Variants in NEBL observed in about 807,000 individuals in gnomAD.
NEBL encodes the protein LIM and SH3 protein 2.
Under a neutral mutation model 140.2 loss-of-function variants are expected in NEBL, and 122 were observed. The ratio of observed to expected loss-of-function variants is 0.87; its 90% confidence interval spans 0.75 to 1.01. The LOEUF is 1.01. NEBL is among the 50% of genes least tolerant of loss of function. The probability of loss-of-function intolerance (pLI) is 0.00; values close to 1 mark genes in which losing one functional copy is unlikely to be tolerated. For synonymous variants in NEBL, 436 were observed against 398.9 expected, an observed-to-expected ratio of 1.09 and a Z score of -1.11; for missense variants, 1,365 against 1,231.3, an observed-to-expected ratio of 1.11 and a Z score of -1.62.
intron 2 of NEBL, among the ~76,000 whole-genome samples, chr10:21,157,077 T>C (rs1840362698): frequency 6.6e-6 from 1 of 152,160 alleles, no homozygotes; most frequent in Admixed American, 6.5e-5. Flanking sequence ...TGTCACAAAG[T>C]AAAGGTCCTG....
chr10:20,885,589 A>T (rs1846445003), intron 4 of NEBL, among the ~76,000 whole-genome samples: 1 of 152,160 alleles, frequency 6.6e-6, no homozygotes, highest in Admixed American at 6.5e-5. Context: ...TGTTGCAGGG[A>T]TTTGTGTATT....
intron 4 of NEBL, among the ~76,000 whole-genome samples, chr10:20,934,479 G>A (rs1770907200): frequency 6.6e-6 from 1 of 152,144 alleles, no homozygotes; most frequent in South Asian, 2.1e-4. Context: ...CCGCAAAACT[G>A]AATTCTAGCC....
At chr10:21,105,224 T>C (rs1047002729) in intron 2 of NEBL, among the ~76,000 whole-genome samples, 4 of 152,196 alleles carry the variant, frequency 2.6e-5, no homozygotes, top group Non-Finnish European at 5.9e-5. Flanking sequence ...GGGATACATG[T>C]GCAGAACATG....
At chr10:21,250,930 T>C (rs181940783) in intron 2 of NEBL, among the ~76,000 whole-genome samples, 1 of 152,356 alleles carries the variant, frequency 6.6e-6, no homozygotes, top group East Asian at 1.9e-4. Context: ...CAATATGGTA[T>C]GTTTCTTTTT....
intron 2 of NEBL, among the ~76,000 whole-genome samples, chr10:21,116,846 T>C (rs1838305959): frequency 6.6e-6 from 1 of 151,948 alleles, no homozygotes; most frequent in Non-Finnish European, 1.5e-5. Flanking sequence ...CTTTTTAAAT[T>C]GTTTTCCAGA....
At chr10:21,094,239 A>G (rs1837057884) in intron 2 of NEBL, among the ~76,000 whole-genome samples, 1 of 152,184 alleles carries the variant, frequency 6.6e-6, no homozygotes, top group African/African-American at 2.4e-5. Context: ...ACGGTGGCTC[A>G]CGCCTGTAAT....
intron 1 of NEBL, among the ~76,000 whole-genome samples, chr10:21,259,345 T>C (rs1429713949): frequency 1.3e-5 from 2 of 152,016 alleles, no homozygotes; most frequent in African/African-American, 2.4e-5. Context: ...CCATCCCTAC[T>C]TGGAGACGGC....
chr10:20,815,205 G>A (rs1255012042), intron 22 of NEBL, among the ~76,000 whole-genome samples: 3 of 152,206 alleles, frequency 2.0e-5, no homozygotes, highest in African/African-American at 7.2e-5. Context: ...ATTCTTTTCT[G>A]TAAGTCTTTA....
chr10:21,062,463 T>A (rs1052024842), intron 2 of NEBL, among the ~76,000 whole-genome samples: 14 of 151,506 alleles, frequency 9.2e-5, no homozygotes, highest in Middle Eastern at 3.4e-3. Context: ...GAGTTTGAGA[T>A]CAGCCTGGGC....
chr10:21,087,822 C>A (rs1474836886), intron 2 of NEBL, among the ~76,000 whole-genome samples: 1 of 152,084 alleles, frequency 6.6e-6, no homozygotes, highest in Non-Finnish European at 1.5e-5. Context: ...ATAATCCATC[C>A]TTAAAAGAAA....
intron 1 of NEBL, among the ~76,000 whole-genome samples, chr10:21,257,081 T>A (rs936842964): frequency 7.9e-5 from 12 of 152,236 alleles, no homozygotes; most frequent in African/African-American, 2.9e-4. Context: ...GAGTGCCAAT[T>A]GCTAAACATT....
intron 2 of NEBL, among the ~76,000 whole-genome samples, chr10:21,120,662 A>C (rs1220569343): frequency 7.3e-6 from 1 of 137,506 alleles, no homozygotes; most frequent in Non-Finnish European, 1.5e-5. Flanking sequence ...GGCACTCTTC[A>C]AAAGTATTTC....
At position 20,850,590 on chromosome 10, in the gene NEBL, C is replaced by T. The variant is rs192193218; in HGVS notation, c.1009-88G>A. On this transcript the variant is annotated intron_variant, in intron 10 of 27. Coordinates refer to ENST00000377122, the MANE Select transcript of NEBL (RefSeq NM_006393.3). ...GAAAAAATATATGTTCTAAACTAGTCATCTTGTTGTCTAAAATCATATTAT... is the reference window on the plus strand; with the variant it reads ...GAAAAAATATATGTTCTAAACTAGTTATCTTGTTGTCTAAAATCATATTAT... 29 of 846,184 alleles carry T rather than the reference C, an allele frequency of 3.4e-5. No homozygotes were observed. In the African/African-American group the frequency reaches 4.2e-4, roughly 12 times the overall value. 52.4% of individuals were successfully genotyped at this position (846,184 alleles called of 1,614,324 possible).
At chr10:21,153,094 T>C (rs1015844496) in intron 2 of NEBL, among the ~76,000 whole-genome samples, 2 of 152,054 alleles carry the variant, frequency 1.3e-5, no homozygotes, top group African/African-American at 4.8e-5. Flanking sequence ...ACCGTGAAAA[T>C]AGGTAATATT....
At chr10:20,849,156 T>C (rs1022322061) in intron 11 of NEBL, among the ~76,000 whole-genome samples, 1 of 152,064 alleles carries the variant, frequency 6.6e-6, no homozygotes, top group African/African-American at 2.4e-5. Flanking sequence ...AAAACTTTGA[T>C]ATAGGCTGCA....
intron 4 of NEBL, among the ~76,000 whole-genome samples, chr10:20,927,343 T>C (rs1362481439): frequency 1.3e-5 from 2 of 152,234 alleles, no homozygotes; most frequent in South Asian, 2.1e-4. Context: ...AGATTCTTTA[T>C]GAAATCTTAA....
At chr10:21,196,210 G>C (rs993025815) in intron 3 of NEBL, among the ~76,000 whole-genome samples, 4 of 151,962 alleles carry the variant, frequency 2.6e-5, no homozygotes, top group Non-Finnish European at 4.4e-5. Context: ...CACCATGTTG[G>C]TCAGGCTGGT....
chr10:20,847,365 C>T (rs1842045679), intron 11 of NEBL, among the ~76,000 whole-genome samples: 1 of 152,126 alleles, frequency 6.6e-6, no homozygotes, highest in African/African-American at 2.4e-5. Flanking sequence ...AAACATGTCT[C>T]ACTTGGCAAG....
intron 2 of NEBL, among the ~76,000 whole-genome samples, chr10:21,138,905 G>C (rs941266489): frequency 4.7e-5 from 7 of 150,516 alleles, no homozygotes; most frequent in Non-Finnish European, 1.0e-4. Flanking sequence ...GACACTCTAA[G>C]TAAGCAAAAT....
Sources: allele counts gnomAD v4.1 joint callset (sites outside exome capture counted in the v4.1 genomes callset), GRCh38; gene constraint gnomAD v4.1.1; transcripts MANE v1.5; gene names NCBI Gene and HGNC (gene_info 2026-07-23, HGNC 2026-07-21).